Variants in EDA observed in about 807,000 individuals in gnomAD.
The protein encoded by EDA is ectodysplasin A.
Under a neutral mutation model 23.6 loss-of-function variants are expected in EDA, and 2 were observed. The ratio of observed to expected loss-of-function variants is 0.08; its 90% CI spans 0.03 to 0.27. EDA has a LOEUF of 0.27. Among genes scored for constraint, EDA ranks in the 10% least tolerant of loss-of-function variants. The pLI is 1.00. For synonymous variants in EDA, 131 were observed against 132.0 expected (o/e 0.99, Z 0.05); for missense variants, 229 against 324.2 (o/e 0.71, Z 2.26).
intron 2 of EDA, among the ~76,000 whole-genome samples, chrX:70,019,083 C>T (rs1429352786): frequency 4.5e-5 from 5 of 111,730 alleles, no homozygotes; most frequent in Non-Finnish European, 3.8e-5. Context: ...GCAGTAAGCA[C>T]ATGAAAAAAT....
intron 1 of EDA, among the ~76,000 whole-genome samples, chrX:69,753,017 C>CA (rs1399609638): frequency 2.7e-5 from 3 of 111,174 alleles, no homozygotes; most frequent in Non-Finnish European, 5.7e-5. Flanking sequence ...TTGATCTTTT[C>CA]AAAAAACCAG....
intron 1 of EDA, among the ~76,000 whole-genome samples, chrX:69,789,761 A>T (rs778712149): frequency 1.8e-5 from 2 of 111,947 alleles, no homozygotes; most frequent in South Asian, 7.5e-4. Flanking sequence ...ACTACTTTTT[A>T]GGATGCAGTT....
chrX:69,756,820 A>C (rs186437664), intron 1 of EDA: 1 of 111,748 alleles, frequency 8.9e-6, no homozygotes, highest in Admixed American at 9.5e-5. Context: ...TCTGTCCCCA[A>C]TTCCATACCA....
intron 7 of EDA, 101 bp from the exon 8 acceptor site, chrX:70,035,257 T>C (rs2020249287): frequency 4.0e-6 from 4 of 996,706 alleles, no homozygotes; most frequent in South Asian, 4.2e-5. Context: ...TGGGGTATAC[T>C]AACAGCTCAT....
intron 2 of EDA, among the ~76,000 whole-genome samples, chrX:69,997,948 C>A (rs1273093761): frequency 8.9e-6 from 1 of 112,531 alleles, no homozygotes; most frequent in Admixed American, 9.3e-5. Context: ...GATTCCCAGG[C>A]AGAAGTTTGC....
intron 1 of EDA, among the ~76,000 whole-genome samples, chrX:69,897,333 A>T (rs1374011207): frequency 8.9e-6 from 1 of 111,914 alleles, no homozygotes; most frequent in Non-Finnish European, 1.9e-5. Flanking sequence ...ACCTGAAAGG[A>T]AAGAAAATTC....
At chrX:69,945,027 A>C (rs12389444) in intron 1 of EDA, among the ~76,000 whole-genome samples, 20,356 of 111,737 alleles carry the variant, frequency 0.18, 1,746 homozygotes, top group Non-Finnish European at 0.25. Flanking sequence ...TCTCTGTGCC[A>C]CATGGCCACT....
chrX:69,920,247 T>C (rs1185386098), intron 1 of EDA, among the ~76,000 whole-genome samples: 1 of 111,357 alleles, frequency 9.0e-6, no homozygotes, highest in Non-Finnish European at 1.9e-5. Flanking sequence ...TAGTTTTACA[T>C]TTACAGAAAA....
At chrX:69,961,022 AAAG>A (rs201589871) in intron 2 of EDA, among the ~76,000 whole-genome samples, 27,758 of 89,991 alleles carry the variant, frequency 0.31, 3,747 homozygotes, top group Middle Eastern at 0.5. Context: ...CCATCCAAAA[AAAG>A]AAAAAAAAAG....
rs372499892 is a variant in EDA, at chrX:69,732,816, A to G, written c.396+116112A>G. ...TCTAACTAGTGTGAGATGGTATCTC[A>G]TTGTGATTTTGATTTGCATTTCTCT... On this transcript the variant is annotated intron_variant, in intron 1 of 7. Transcript: ENST00000374552. Among the ~76,000 whole-genome samples, 88 of 111,916 alleles carry G rather than the reference A, an allele frequency of 7.9e-4. 1 individual carries two copies. In the East Asian group the frequency reaches 0.018, roughly 22 times the overall value.
At chrX:69,942,950 T>C (rs1209000898) in intron 1 of EDA, among the ~76,000 whole-genome samples, 1 of 110,728 alleles carries the variant, frequency 9.0e-6, no homozygotes, top group African/African-American at 3.3e-5. Flanking sequence ...TTACTAATTT[T>C]TGCTTCTGCT....
chrX:69,924,906 T>C (rs2018489901), intron 1 of EDA, among the ~76,000 whole-genome samples: 1 of 111,353 alleles, frequency 9.0e-6, no homozygotes, highest in African/African-American at 3.3e-5. Flanking sequence ...TTTATTCTCT[T>C]TGTAGTGATT....
chrX:69,793,350 C>T (rs2015454715), intron 1 of EDA, among the ~76,000 whole-genome samples: 1 of 98,094 alleles, frequency 1.0e-5, no homozygotes, highest in Non-Finnish European at 2.0e-5. Context: ...ACAGAAAACT[C>T]AACTCAAAGT....
At chrX:69,918,421 T>C (rs1408642809) in intron 1 of EDA, among the ~76,000 whole-genome samples, 3 of 111,618 alleles carry the variant, frequency 2.7e-5, no homozygotes, top group African/African-American at 9.8e-5. Flanking sequence ...CCTCCCAAAG[T>C]GCTGGGATTA....
intron 1 of EDA, among the ~76,000 whole-genome samples, chrX:69,699,409 G>A (rs1487617355): frequency 9.0e-6 from 1 of 111,313 alleles, no homozygotes; most frequent in African/African-American, 3.3e-5. Flanking sequence ...GGTTAGCATG[G>A]TGATGTGGGG....
intron 1 of EDA, among the ~76,000 whole-genome samples, chrX:69,636,716 C>T (rs1377084128): frequency 2.8e-5 from 3 of 107,184 alleles, no homozygotes; most frequent in Non-Finnish European, 3.8e-5. Flanking sequence ...AGGCAGAATA[C>T]GTTCAAGGAA....
At chrX:69,957,369 C>T (rs1479863237) in intron 2 of EDA, 9 of 330,335 alleles carry the variant, frequency 2.7e-5, no homozygotes, top group Non-Finnish European at 4.8e-5. Flanking sequence ...GTCCCAGCTG[C>T]TTGGGAGACT....
At chrX:69,787,621 C>G (rs1472249887) in intron 1 of EDA, among the ~76,000 whole-genome samples, 1 of 110,374 alleles carries the variant, frequency 9.1e-6, no homozygotes, top group African/African-American at 3.3e-5. Flanking sequence ...ATATTGGCCC[C>G]CACTCTCTTC....
At chrX:69,621,440 G>A (rs899997005) in intron 1 of EDA, among the ~76,000 whole-genome samples, 1 of 111,505 alleles carries the variant, frequency 9.0e-6, no homozygotes, top group African/African-American at 3.3e-5. Flanking sequence ...ATATACTCAC[G>A]TCACCAGCAC....
Sources: gnomAD v4.1 joint callset for allele counts (sites outside exome capture counted in the v4.1 genomes callset) on GRCh38, gnomAD v4.1.1 for gene constraint, MANE v1.5 for transcripts, NCBI Gene and HGNC (gene_info 2026-07-23, HGNC 2026-07-21) for gene names.